The following GMFB variants were observed in gnomAD, a reference collection of about 807,000 sequenced individuals.
The protein encoded by GMFB is GMF-beta.
In GMFB, 13 loss-of-function variants were observed where a neutral mutation model predicts 25.6. That is an observed-to-expected ratio of 0.51 (90% CI 0.33 to 0.81). The LOEUF (loss-of-function observed/expected upper bound fraction) is 0.81. GMFB is among the 30% of genes least tolerant of loss of function. The pLI is 0.02. For synonymous variants in GMFB, 57 were observed against 56.9 expected (o/e 1.00, Z 0.00); for missense variants, 146 against 175.4 (o/e 0.83, Z 0.95).
rs373008819 is a variant in GMFB, at chr14:54,478,181, G to C, written c.358-22C>G. On this transcript the variant is annotated intron_variant, in intron 6 of 6. Coordinates refer to ENST00000358056, the MANE Select transcript of GMFB (RefSeq NM_004124.3). ...ATACCTTTAAAAAAAAAAAAAACTT[G>C]GGTCATACTTTGACACTCCAAAAAA... is the stretch of plus-strand genomic sequence containing the variant. 45 of 922,080 alleles carry C rather than the reference G, an allele frequency of 4.9e-5. 1 individual carries two copies. In the African/African-American group the frequency reaches 6.9e-4, roughly 14 times the overall value. The allele number at this position is 922,080 out of a possible 1,614,324, so 57.1% of individuals were successfully genotyped here.
chr14:54,487,680 T>C (rs9323266), intron 1 of GMFB, among the ~76,000 whole-genome samples: 19,309 of 152,128 alleles, frequency 0.13, 1,320 homozygotes, highest in Non-Finnish European at 0.15. Flanking sequence ...GCCATTGCAC[T>C]CCAGCCTGGG....
intron 6 of GMFB, 170 bp downstream of exon 6, chr14:54,479,616 C>T (rs572733253): frequency 3.1e-5 from 15 of 482,372 alleles, no homozygotes; most frequent in African/African-American, 1.8e-4. Flanking sequence ...TTGGTTCAAA[C>T]GCTTCTATCT....
chr14:54,484,578 T>C (rs551293202), intron 1 of GMFB, among the ~76,000 whole-genome samples: 21 of 152,122 alleles, frequency 1.4e-4, no homozygotes, highest in African/African-American at 5.1e-4. Context: ...AAACTCAGGA[T>C]CTGAGGGCTT....
chr14:54,486,231 A>G (rs1186559478), intron 1 of GMFB, among the ~76,000 whole-genome samples: 1 of 152,198 alleles, frequency 6.6e-6, no homozygotes, highest in Non-Finnish European at 1.5e-5. Flanking sequence ...GCCTGGCGAC[A>G]GAGCGAGACT....
intron 1 of GMFB, chr14:54,484,001 C>A: frequency 3.3e-6 from 2 of 611,840 alleles, no homozygotes; most frequent in South Asian, 1.5e-5. Flanking sequence ...TTTTAACTTT[C>A]TCTTTGGCTA....
intron 2 of GMFB, chr14:54,483,245 A>C (rs986537370): frequency 3.2e-5 from 5 of 155,866 alleles, no homozygotes; most frequent in Admixed American, 1.3e-4. Context: ...CCAGAGTTCA[A>C]ATCTACAACT....
chr14:54,482,244 T>A, intron 2 of GMFB, 42 bp from the exon 3 acceptor site: 1 of 1,342,368 alleles, frequency 7.4e-7, no homozygotes, highest in Non-Finnish European at 1.1e-6. Flanking sequence ...GATTCTAATG[T>A]GACCCTGATC....
At chr14:54,488,611 C>T (rs1051236548) in intron 1 of GMFB, 3 of 358,614 alleles carry the variant, frequency 8.4e-6, no homozygotes, top group African/African-American at 2.1e-5. Context: ...ACCTACAGCT[C>T]AGAAGCTGAA....
At chr14:54,481,552 T>C in intron 3 of GMFB, 94 bp from the exon 4 acceptor site, 2 of 758,606 alleles carry the variant, frequency 2.6e-6, no homozygotes, top group Admixed American at 4.3e-5. Context: ...CAGTTATAAA[T>C]TTATTACCAC....
At chr14:54,487,743 T>C (rs1354511219) in intron 1 of GMFB, among the ~76,000 whole-genome samples, 5 of 152,208 alleles carry the variant, frequency 3.3e-5, no homozygotes, top group Middle Eastern at 3.4e-3. Context: ...CAGATCTGGA[T>C]TGGATCTCAG....
At position 54,478,239 on chromosome 14, in the gene GMFB, TTGAG is replaced by T. The variant is rs2031667122; in HGVS notation, c.358-84_358-81del. 6 of 535,930 alleles carry T rather than the reference TTGAG, an allele frequency of 1.1e-5. No homozygotes were observed. In the South Asian group the frequency reaches 2.1e-4, roughly 19 times the overall value. The allele number at this position is 535,930 out of a possible 1,614,324, so 33.2% of individuals were successfully genotyped here. On this transcript the variant is annotated intron_variant, in intron 6 of 6. Coordinates refer to ENST00000358056, the MANE Select transcript of GMFB (RefSeq NM_004124.3). ...AATATTTGAATTTTTTAAAATATAT[TTGAG>T]TATTATACACCAAACTATTTTTGGT...
rs903665478 is a variant in GMFB, at chr14:54,476,101, A to G, written c.*1987T>C. 9 of 152,216 alleles carry G rather than the reference A, an allele frequency of 5.9e-5. No individual in the cohort carries two copies. Among genetic ancestry groups the G allele is most frequent in the Admixed American group, 4.6e-4 (7 of 15,288 alleles). The allele number at this position is 152,216 out of a possible 1,614,324, so 9.4% of individuals were successfully genotyped here. A position where few individuals can be genotyped will look rare whatever the true frequency, so the allele number is the denominator to read the frequency against. On this transcript the variant is annotated 3_prime_UTR_variant, in exon 7 of 7. Transcript: ENST00000358056. ...CTCAATCTGTTGTCTTGCCAAAAAC[A>G]TGTTATTAATTAGGAGTCAGACAAG... is the stretch of plus-strand genomic sequence containing the variant.
chr14:54,485,865 T>C (rs2031774655), intron 1 of GMFB, among the ~76,000 whole-genome samples: 1 of 152,184 alleles, frequency 6.6e-6, no homozygotes, highest in African/African-American at 2.4e-5. Context: ...AGCCAACTCA[T>C]TTTGGACAAT....
chr14:54,479,858 T>C lies in GMFB; in HGVS notation c.285A>G (p.Gly95=), dbSNP rs145015405. The change falls in exon 6 of 7, where the codon GGA becomes GGG. Residue 95 remains glycine (G), a splice_region_variant and synonymous_variant. Transcript: ENST00000358056. The part of the protein sequence containing the change: ...PLCFIFSSPV[G]CKPEQQMMYA... ...ACATCATCTGTTGTTCAGGCTTACA[T>C]CCTGGAAAAGAGAGATTAGTGTAGA... 6.3e-6 allele frequency: 10 copies of C among 1,587,600 alleles called. No homozygotes were observed. The highest frequency in any genetic ancestry group is 1.3e-5 in the African/African-American group (1 of 74,378).
At chr14:54,484,370 G>A (rs2031756085) in intron 1 of GMFB, among the ~76,000 whole-genome samples, 1 of 151,890 alleles carries the variant, frequency 6.6e-6, no homozygotes, top group African/African-American at 2.4e-5. Flanking sequence ...AAGAAACATT[G>A]CGATTGATAC....
intron 6 of GMFB, 92 bp from the exon 7 acceptor site, chr14:54,478,251 C>T: frequency 2.0e-6 from 1 of 492,674 alleles, no homozygotes; most frequent in Non-Finnish European, 3.6e-6. Context: ...GAGTATTATA[C>T]ACCAAACTAT....
chr14:54,479,676 C>G (rs1296963390), intron 6 of GMFB, 110 bp downstream of exon 6: 1 of 613,728 alleles, frequency 1.6e-6, no homozygotes, highest in Admixed American at 2.9e-5. Context: ...CTAATCTGGT[C>G]TAAATAACCT....
chr14:54,476,836 T>C lies in GMFB; in HGVS notation c.*1252A>G, dbSNP rs1249866922. ...TAGAGTCTCTAGACCTATTATCAAA[T>C]TAATGTTCAATGGTTACTTATGTAT... On this transcript the variant is annotated 3_prime_UTR_variant, in exon 7 of 7. Transcript: ENST00000358056. 1 of 152,022 alleles carries C rather than the reference T, an allele frequency of 6.6e-6. No homozygotes were observed. Among genetic ancestry groups the C allele is most frequent in the African/African-American group, 2.4e-5 (1 of 41,434 alleles). The allele number at this position is 152,022 out of a possible 1,614,324, so 9.4% of individuals were successfully genotyped here. A position where few individuals can be genotyped will look rare whatever the true frequency, so the allele number is the denominator to read the frequency against.
intron 4 of GMFB, among the ~76,000 whole-genome samples, 159 bp from the exon 5 acceptor site, chr14:54,481,115 A>G (rs764100175): frequency 3.9e-5 from 6 of 152,112 alleles, no homozygotes; most frequent in Non-Finnish European, 5.9e-5. Context: ...GATAAGTTAT[A>G]AAATCACATA....
Sources: allele counts gnomAD v4.1 joint callset (sites outside exome capture counted in the v4.1 genomes callset), GRCh38; gene constraint gnomAD v4.1.1; transcripts MANE v1.5; gene names NCBI Gene and HGNC (gene_info 2026-07-23, HGNC 2026-07-21).